TTC34: variants seen among roughly 807,000 people sequenced by gnomAD.
TTC34 encodes tetratricopeptide repeat protein 34.
TTC34 carries 44 observed loss-of-function variants against 40.7 expected under a neutral mutation model. That is an observed-to-expected ratio of 1.08 (90% confidence interval 0.85 to 1.39). The LOEUF (loss-of-function observed/expected upper bound fraction) is 1.39. Among genes scored for constraint, TTC34 ranks in the 40% most tolerant of loss-of-function variants. The pLI is 0.00. For synonymous variants in TTC34, 422 were observed against 398.6 expected (o/e 1.06, Z -0.70); for missense variants, 884 against 838.0 (o/e 1.05, Z -0.68).
chr1:2,749,062 G>A lies in TTC34; in HGVS notation c.2226+34547C>T, dbSNP rs1641234846. Reference sequence around the variant, plus strand: ...CACACCCCCAGGTGAGAATCCGACAGCCTGGAGCAGCACCCACAACCCCAG... The same window carrying A: ...CACACCCCCAGGTGAGAATCCGACAACCTGGAGCAGCACCCACAACCCCAG... On this transcript the variant is annotated intron_variant, in intron 6 of 8. Coordinates refer to ENST00000401095, the Ensembl canonical transcript of TTC34. Among the ~76,000 whole-genome samples the A allele has an allele frequency of 9.4e-4, 124 of 131,930 alleles. 5 individuals carry two copies. The highest frequency in any genetic ancestry group is 1.6e-3 in the Non-Finnish European group (102 of 62,740). The allele number at this position is 131,930 out of a possible 152,430, so 86.6% of individuals were successfully genotyped here.
At chr1:2,786,851 A>G (rs1360120511) in intron 4 of TTC34, among the ~76,000 whole-genome samples, 1 of 152,172 alleles carries the variant, frequency 6.6e-6, no homozygotes, top group African/African-American at 2.4e-5. Context: ...GCTGAGCAAG[A>G]GGATGCAGGT....
At chr1:2,688,383 T>A (rs999794892) in intron 6 of TTC34, among the ~76,000 whole-genome samples, 15 of 116,094 alleles carry the variant, frequency 1.3e-4, no homozygotes, top group African/African-American at 3.7e-4. Flanking sequence ...CAGGTGAGCA[T>A]CTGACAGCCT....
intron 6 of TTC34, among the ~76,000 whole-genome samples, chr1:2,647,855 T>G (rs1639051211): frequency 6.6e-6 from 1 of 152,160 alleles, no homozygotes. Context: ...GATTGGATAA[T>G]TTCCTTAGAT....
At chr1:2,660,067 AC>A (rs1413437975) in intron 6 of TTC34, among the ~76,000 whole-genome samples, 14 of 145,120 alleles carry the variant, frequency 9.6e-5, no homozygotes, top group East Asian at 4.0e-4. Context: ...CAGCACCCAC[AC>A]CCCCAGGAGA....
rs1353172919 is a variant in TTC34, at chr1:2,683,575, C to G, written c.2227-38012G>C. On this transcript the variant is annotated intron_variant, in intron 6 of 8. Coordinates refer to ENST00000401095, the Ensembl canonical transcript of TTC34. ...CAACCACAGGTGAGCATCCGACAGC[C>G]TGGAACAGCACCCACACACTCAGGC... Among the ~76,000 whole-genome samples, 5 of 144,854 alleles carry G rather than the reference C, an allele frequency of 3.5e-5. 1 individual carries two copies. Among genetic ancestry groups the G allele is most frequent in the African/African-American group, 8.1e-5 (3 of 37,254 alleles).
At chr1:2,651,377 C>A (rs935173260) in intron 6 of TTC34, among the ~76,000 whole-genome samples, 23 of 152,098 alleles carry the variant, frequency 1.5e-4, no homozygotes, top group African/African-American at 5.3e-4. Context: ...ATGGGACAGA[C>A]TGGAGCAGCA....
intron 3 of TTC34, among the ~76,000 whole-genome samples, chr1:2,788,322 ATG>A (rs1232151050): frequency 2.7e-5 from 4 of 150,208 alleles, no homozygotes; most frequent in South Asian, 2.1e-4. Flanking sequence ...TGTGTGTTGT[ATG>A]TGTGTTATGT....
At chr1:2,764,257 C>T (rs1484640510) in intron 6 of TTC34, among the ~76,000 whole-genome samples, 1 of 150,608 alleles carries the variant, frequency 6.6e-6, no homozygotes, top group Admixed American at 6.6e-5. Flanking sequence ...GAGCAGCACG[C>T]ACACCCCCAG....
At chr1:2,687,039 C>A (rs1427070515) in intron 6 of TTC34, among the ~76,000 whole-genome samples, 4 of 140,042 alleles carry the variant, frequency 2.9e-5, no homozygotes, top group South Asian at 2.3e-4. Flanking sequence ...GAGCAGCACC[C>A]ACAACCCCAG....
chr1:2,653,695 G>C (rs796080829), intron 6 of TTC34, among the ~76,000 whole-genome samples: 123 of 21,556 alleles, frequency 5.7e-3, no homozygotes, highest in East Asian at 0.031. Flanking sequence ...CACACCCCCA[G>C]GTGAGCATCT....
chr1:2,684,913 T>G (rs1338825444), intron 6 of TTC34, among the ~76,000 whole-genome samples: 3 of 45,950 alleles, frequency 6.5e-5, no homozygotes, highest in African/African-American at 3.4e-4. Context: ...AACAGCACCC[T>G]GCACACCCAG....
chr1:2,756,654 A>G (rs1216639645), intron 6 of TTC34, among the ~76,000 whole-genome samples: 831 of 109,820 alleles, frequency 7.6e-3, no homozygotes, highest in East Asian at 0.017. Flanking sequence ...ACAGCCTGGA[A>G]CAGCACCCAC....
chr1:2,787,810 G>A, intron 3 of TTC34, 104 bp from the exon 4 acceptor site: 2 of 996,380 alleles, frequency 2.0e-6, no homozygotes, highest in Non-Finnish European at 2.9e-6. Flanking sequence ...ACCTGGCCTG[G>A]GCAGCTCCCT....
chr1:2,674,317 T>TGCA (rs1639812968), intron 6 of TTC34, among the ~76,000 whole-genome samples: 2 of 34,488 alleles, frequency 5.8e-5, no homozygotes, highest in Admixed American at 2.5e-4. Flanking sequence ...CAGCACCCAC[T>TGCA]CCCCCAGGTG....
At chr1:2,772,987 A>C (rs1642512116) in intron 6 of TTC34, among the ~76,000 whole-genome samples, 32 of 149,306 alleles carry the variant, frequency 2.1e-4, no homozygotes, top group African/African-American at 7.2e-4. Flanking sequence ...CCCCCAGGCG[A>C]GCATCTGACA....
intron 6 of TTC34, among the ~76,000 whole-genome samples, chr1:2,651,612 T>A (rs943419738): frequency 6.6e-6 from 1 of 151,538 alleles, no homozygotes; most frequent in Non-Finnish European, 1.5e-5. Context: ...CTGGTGAGTA[T>A]CTGACAGCTT....
At chr1:2,750,208 A>C (rs1641269508) in intron 6 of TTC34, among the ~76,000 whole-genome samples, 1 of 152,154 alleles carries the variant, frequency 6.6e-6, no homozygotes, top group Non-Finnish European at 1.5e-5. Context: ...CCACACCCCC[A>C]GGTGCGCATC....
At chr1:2,768,688 A>C (rs1641884514) in intron 6 of TTC34, among the ~76,000 whole-genome samples, 1 of 150,024 alleles carries the variant, frequency 6.7e-6, no homozygotes, top group African/African-American at 2.5e-5. Context: ...ACAGCATGGA[A>C]CAAGACCACT....
At chr1:2,785,317 G>A (rs538460668) in intron 5 of TTC34, among the ~76,000 whole-genome samples, 8 of 75,196 alleles carry the variant, frequency 1.1e-4, no homozygotes, top group Admixed American at 4.3e-4. Flanking sequence ...AGATCCCTGC[G>A]AGTCCTGGGA....
Sources: allele counts gnomAD v4.1 joint callset (sites outside exome capture counted in the v4.1 genomes callset), GRCh38; gene constraint gnomAD v4.1.1; transcripts MANE v1.5; gene names NCBI Gene and HGNC (gene_info 2026-07-23, HGNC 2026-07-21).